The following NTRK3 variants were observed in gnomAD, a reference collection of about 807,000 sequenced individuals.
NTRK3 encodes neurotrophic receptor tyrosine kinase 3, also known as NT-3 growth factor receptor.
NTRK3 carries 24 observed loss-of-function variants against 91.7 expected under a neutral mutation model. The observed-to-expected ratio is 0.26, with a 90% CI of 0.19 to 0.37. The LOEUF (loss-of-function observed/expected upper bound fraction) is 0.37. NTRK3 is among the 10% of genes least tolerant of loss of function. NTRK3 has a pLI of 1.00. For missense variants in NTRK3, 880 were observed against 1,068.9 expected (o/e 0.82, Z 2.46); for synonymous variants, 483 against 404.0 (o/e 1.20, Z -2.34).
chr15:87,868,347 T>A, exon 19 of NTRK3: 1 of 226,730 alleles, frequency 4.4e-6, no homozygotes, highest in Non-Finnish European at 8.8e-6. Flanking sequence ...CAGAAAGATA[T>A]CTTTCCAATT....
intron 13 of NTRK3, among the ~76,000 whole-genome samples, chr15:88,075,845 G>A (rs762628542): frequency 6.6e-6 from 1 of 152,156 alleles, no homozygotes; most frequent in African/African-American, 2.4e-5. Flanking sequence ...CCATGTGCCT[G>A]GGGACAAATT....
intron 17 of NTRK3, among the ~76,000 whole-genome samples, chr15:87,922,736 A>T (rs1403855337): frequency 2.6e-5 from 4 of 152,098 alleles, no homozygotes; most frequent in African/African-American, 9.7e-5. Flanking sequence ...ATTTCGACAT[A>T]TTCTGGATTC....
intron 14 of NTRK3, among the ~76,000 whole-genome samples, chr15:87,948,040 T>C (rs1412437421): frequency 1.3e-5 from 2 of 152,094 alleles, no homozygotes; most frequent in African/African-American, 2.4e-5. Flanking sequence ...TCTCCTGGCC[T>C]CCTGGCTGGG....
chr15:88,183,293 A>C lies in NTRK3; in HGVS notation c.395+125T>G, dbSNP rs771741813. 8 of 889,878 alleles carry C rather than the reference A, an allele frequency of 9.0e-6. No homozygotes were observed. In the Admixed American group the frequency reaches 1.5e-4, roughly 16 times the overall value. 55.1% of individuals were successfully genotyped at this position (889,878 alleles called of 1,614,324 possible). On this transcript the variant is annotated intron_variant, in intron 5 of 18. Transcript: ENST00000394480. The stretch of plus-strand genomic sequence containing the variant: ...AGAGGCAAAATTGGAAGCCCAATAA[A>C]GTTCAAAACCTTGCCCAAGAGCCCC...
At chr15:88,030,293 G>T (rs543026104) in intron 14 of NTRK3, among the ~76,000 whole-genome samples, 11 of 152,296 alleles carry the variant, frequency 7.2e-5, no homozygotes, top group African/African-American at 2.4e-4. Context: ...GCTCTAGAAG[G>T]AAGACTTCCT....
intron 5 of NTRK3, among the ~76,000 whole-genome samples, chr15:88,164,181 T>C (rs759192080): frequency 1.5e-4 from 23 of 152,136 alleles, no homozygotes; most frequent in Non-Finnish European, 2.8e-4. Flanking sequence ...GGCTTAGAAT[T>C]TGAATTTTCC....
rs191594502 is a variant in NTRK3, at chr15:88,196,517, A to G, written c.249-12218T>C. 2.6e-5 allele frequency among the ~76,000 whole-genome samples: 4 copies of G among 152,344 alleles called. No homozygotes were observed. In the East Asian group the frequency reaches 7.7e-4, roughly 29 times the overall value. ...AGCACTGAGAGGAACACCTACTTAC[A>G]TCTGGGGCCTGAAAGGGAGGAAATG... On this transcript the variant is annotated intron_variant, in intron 3 of 18. Transcript: ENST00000394480.
intron 14 of NTRK3, among the ~76,000 whole-genome samples, chr15:87,946,589 GCC>G (rs1444429112): frequency 1.3e-5 from 2 of 152,102 alleles, no homozygotes; most frequent in Non-Finnish European, 2.9e-5. Context: ...ACCACCAGCA[GCC>G]CTGAGGGCTG....
At chr15:87,890,710 G>A (rs1041134770) in intron 17 of NTRK3, among the ~76,000 whole-genome samples, 6 of 151,872 alleles carry the variant, frequency 4.0e-5, no homozygotes, top group African/African-American at 9.7e-5. Flanking sequence ...CTCACATAAC[G>A]CCAATAAATA....
chr15:87,945,803 GA>G (rs34162356), intron 14 of NTRK3, among the ~76,000 whole-genome samples: 49,079 of 106,122 alleles, frequency 0.46, 9,277 homozygotes, highest in South Asian at 0.6. Flanking sequence ...TGAAGACTGG[GA>G]AAAAAAAAAA....
At chr15:87,885,455 T>C (rs1234509337) in intron 17 of NTRK3, among the ~76,000 whole-genome samples, 5 of 151,860 alleles carry the variant, frequency 3.3e-5, no homozygotes, top group African/African-American at 1.2e-4. Flanking sequence ...TAAGATATAC[T>C]TGAAATAGAA....
At chr15:87,981,361 C>T in intron 14 of NTRK3, 1 of 1,613,870 alleles carries the variant, frequency 6.2e-7, no homozygotes, top group Non-Finnish European at 8.5e-7. Context: ...GAAAAGACCC[C>T]TGGCAGAAGA....
At position 88,124,741 on chromosome 15, in the gene NTRK3, A is replaced by G. The variant is rs146749885; in HGVS notation, c.1396+1530T>C. On this transcript the variant is annotated intron_variant, in intron 13 of 18. Coordinates refer to ENST00000394480, the Ensembl canonical transcript of NTRK3. ...CTTGTTTGGCATGTTGTGTTTGCAGATAAGACATCTCCAATCTAGGTGCCT... is the reference window on the plus strand; with the variant it reads ...CTTGTTTGGCATGTTGTGTTTGCAGGTAAGACATCTCCAATCTAGGTGCCT... Among the ~76,000 whole-genome samples the G allele has an allele frequency of 2.2e-3, 335 of 152,296 alleles. 1 individual carries two copies. Among genetic ancestry groups the G allele is most frequent in the Non-Finnish European group, 4.0e-3 (274 of 68,036 alleles).
chr15:87,994,035 G>A (rs2075492474), intron 14 of NTRK3, among the ~76,000 whole-genome samples: 1 of 152,154 alleles, frequency 6.6e-6, no homozygotes, highest in African/African-American at 2.4e-5. Context: ...ATTATATTAT[G>A]GTATTTCACT....
chr15:88,029,910 C>T (rs2078375602), intron 14 of NTRK3, among the ~76,000 whole-genome samples: 1 of 152,192 alleles, frequency 6.6e-6, no homozygotes, highest in Non-Finnish European at 1.5e-5. Context: ...CCTGGGTCCC[C>T]TTTCACCCTG....
chr15:88,042,177 A>C (rs2079693783), intron 13 of NTRK3, among the ~76,000 whole-genome samples: 2 of 152,228 alleles, frequency 1.3e-5, no homozygotes, highest in Non-Finnish European at 2.9e-5. Context: ...GAACTCATAA[A>C]ACGGAATAAG....
At chr15:88,012,200 A>G (rs1233034154) in intron 14 of NTRK3, among the ~76,000 whole-genome samples, 1 of 152,150 alleles carries the variant, frequency 6.6e-6, no homozygotes, top group East Asian at 1.9e-4. Context: ...CCACGAACCT[A>G]TAAGACAATG....
At chr15:87,865,894 C>CA (rs1480575293) in exon 19 of NTRK3, 6 of 228,572 alleles carry the variant, frequency 2.6e-5, no homozygotes, top group Non-Finnish European at 5.2e-5. Context: ...ATGCTAATGG[C>CA]AAAACTTCTA....
intron 14 of NTRK3, among the ~76,000 whole-genome samples, chr15:87,945,418 A>G (rs543412530): frequency 2.0e-5 from 3 of 152,304 alleles, no homozygotes; most frequent in South Asian, 2.1e-4. Context: ...TAACTATTCC[A>G]TATGTGTGGG....
Sources: allele counts gnomAD v4.1 joint callset (sites outside exome capture counted in the v4.1 genomes callset), GRCh38; gene constraint gnomAD v4.1.1; transcripts MANE v1.5; gene names NCBI Gene and HGNC (gene_info 2026-07-23, HGNC 2026-07-21).